The following SPRED2 variants were observed in gnomAD, a reference collection of about 807,000 sequenced individuals.
SPRED2 encodes the protein sprouty related EVH1 domain containing 2.
Under a neutral mutation model 43.0 loss-of-function variants are expected in SPRED2, and 47 were observed. That is an observed-to-expected ratio of 1.09 (90% CI 0.87 to 1.40). The LOEUF (loss-of-function observed/expected upper bound fraction) is 1.40. Among genes scored for constraint, SPRED2 ranks in the 40% most tolerant of loss-of-function variants. The pLI, the probability that SPRED2 is intolerant of heterozygous loss-of-function variation, is 0.00. For missense variants in SPRED2, 561 were observed against 586.4 expected (o/e 0.96, Z 0.45); for synonymous variants, 225 against 225.7 (o/e 1.00, Z 0.03).
chr2:65,310,856 T>C lies in SPRED2; in HGVS notation c.*2645A>G, dbSNP rs1673048661. ...AAATACCCCAAAGCCAGCGATCTGA[T>C]AGGATGTGTTTATATTTACACGGTA... is the stretch of plus-strand genomic sequence containing the variant. On this transcript the variant is annotated 3_prime_UTR_variant, in exon 6 of 6. Transcript: ENST00000356388. The C allele has an allele frequency of 4.1e-6, 4 of 985,058 alleles. No individual in the cohort carries two copies. The highest frequency in any genetic ancestry group is 3.6e-6 in the Non-Finnish European group (3 of 829,262). The allele number at this position is 985,058 out of a possible 1,614,324, so 61.0% of individuals were successfully genotyped here. A position where few individuals can be genotyped will look rare whatever the true frequency, so the allele number is the denominator to read the frequency against.
At chr2:65,334,482 A>C in intron 3 of SPRED2, 123 bp downstream of exon 3, 1 of 1,198,650 alleles carries the variant, frequency 8.3e-7, no homozygotes, top group Non-Finnish European at 1.2e-6. Context: ...TTTGGCATCT[A>C]CTGACCTGGT....
intron 1 of SPRED2, among the ~76,000 whole-genome samples, chr2:65,363,328 A>G (rs1674880466): frequency 6.6e-6 from 1 of 151,990 alleles, no homozygotes; most frequent in Non-Finnish European, 1.5e-5. Flanking sequence ...ATCCAGGTGC[A>G]GTTGACGCAA....
intron 1 of SPRED2, among the ~76,000 whole-genome samples, chr2:65,379,441 G>A (rs1369082730): frequency 6.6e-6 from 1 of 152,262 alleles, no homozygotes; most frequent in Non-Finnish European, 1.5e-5. Context: ...CAAAGAGACT[G>A]GGGCCATTTT....
At chr2:65,366,645 A>G in intron 1 of SPRED2, 1 of 1,550,634 alleles carries the variant, frequency 6.4e-7, no homozygotes, top group Non-Finnish European at 8.7e-7. Context: ...GGGTATTAGC[A>G]TTATTGCTAC....
At chr2:65,377,290 A>G (rs1055262946) in intron 1 of SPRED2, among the ~76,000 whole-genome samples, 1 of 152,262 alleles carries the variant, frequency 6.6e-6, no homozygotes, top group Admixed American at 6.5e-5. Context: ...ATCTGAAATC[A>G]AGACAAAGCC....
intron 1 of SPRED2, among the ~76,000 whole-genome samples, chr2:65,402,726 C>T (rs1039214667): frequency 1.6e-4 from 24 of 152,192 alleles, no homozygotes; most frequent in African/African-American, 5.3e-4. Flanking sequence ...TAAACTCACA[C>T]CTATGTAATT....
intron 1 of SPRED2, among the ~76,000 whole-genome samples, chr2:65,424,019 C>T (rs561050616): frequency 6.6e-6 from 1 of 152,236 alleles, no homozygotes; most frequent in South Asian, 2.1e-4. Flanking sequence ...GAACTCCTGA[C>T]CTCAGGTGGT....
intron 1 of SPRED2, among the ~76,000 whole-genome samples, chr2:65,371,090 T>A (rs1226556438): frequency 6.6e-6 from 1 of 152,110 alleles, no homozygotes; most frequent in Admixed American, 6.5e-5. Flanking sequence ...TCGCTGCCCG[T>A]AAGAGCTCAG....
At chr2:65,346,919 T>C (rs993343154) in intron 1 of SPRED2, among the ~76,000 whole-genome samples, 1 of 152,216 alleles carries the variant, frequency 6.6e-6, no homozygotes, top group African/African-American at 2.4e-5. Context: ...AATTTCATTA[T>C]TGACATGGAG....
At chr2:65,371,301 C>A (rs1310671020) in intron 1 of SPRED2, among the ~76,000 whole-genome samples, 1 of 152,086 alleles carries the variant, frequency 6.6e-6, no homozygotes, top group Non-Finnish European at 1.5e-5. Context: ...GAAATTTGCA[C>A]AAAAGAAACC....
At chr2:65,342,193 CGT>C in intron 2 of SPRED2, among the ~76,000 whole-genome samples, 1 of 146,270 alleles carries the variant, frequency 6.8e-6, no homozygotes, top group African/African-American at 2.5e-5. Context: ...ATTTTATATA[CGT>C]ATATTATGTA....
intron 1 of SPRED2, among the ~76,000 whole-genome samples, chr2:65,355,247 T>C (rs1674615549): frequency 6.6e-6 from 1 of 152,172 alleles, no homozygotes; most frequent in Admixed American, 6.5e-5. Context: ...CAGTCACGTA[T>C]CTGTGCAGCA....
At chr2:65,308,090 TG>T (rs1446399608), downstream of SPRED2, among the ~76,000 whole-genome samples, 2 of 152,302 alleles carry the variant, frequency 1.3e-5, no homozygotes, top group African/African-American at 4.8e-5. Flanking sequence ...CCTGATTTTC[TG>T]GGGGGTGTCC....
intron 4 of SPRED2, among the ~76,000 whole-genome samples, chr2:65,326,265 G>C (rs1421108926): frequency 2.6e-5 from 4 of 152,046 alleles, no homozygotes; most frequent in East Asian, 1.9e-4. Context: ...CTCAGCCTGA[G>C]AGTGTCTCAG....
chr2:65,343,815 C>A (rs1440642057), intron 2 of SPRED2, among the ~76,000 whole-genome samples: 2 of 152,140 alleles, frequency 1.3e-5, no homozygotes, highest in Non-Finnish European at 2.9e-5. Flanking sequence ...GTGATGATTA[C>A]TTTCCAAAGT....
intron 1 of SPRED2, among the ~76,000 whole-genome samples, chr2:65,382,813 T>TTAG (rs1675403279): frequency 6.6e-6 from 1 of 152,232 alleles, no homozygotes; most frequent in African/African-American, 2.4e-5. Flanking sequence ...AAGCCTCATT[T>TTAG]CCAGGTTCAA....
chr2:65,354,616 A>G (rs1289540120), intron 1 of SPRED2, among the ~76,000 whole-genome samples: 2 of 151,750 alleles, frequency 1.3e-5, no homozygotes, highest in Admixed American at 6.6e-5. Flanking sequence ...TCTATCAAAA[A>G]TGTCTTAAGG....
In SPRED2 at chr2:65,431,972, G is replaced by A; in HGVS notation, c.16C>T (p.His6Tyr). The change falls in exon 1 of 6, where the codon CAC becomes TAC. Residue 6 changes from histidine to tyrosine, a missense_variant. By Grantham distance (83) the His-to-Tyr change is moderately conservative. Coordinates refer to ENST00000356388, the MANE Select transcript of SPRED2 (RefSeq NM_181784.3). ...CGCGACCAAACTTACTCGTCTGGGT[G>A]TGTTTCTTCGGTCATTTTCTTGTTC... MTEET[H>Y]PDDDSYIVRV... 1 of 1,614,018 alleles carries A rather than the reference G, an allele frequency of 6.2e-7. No homozygotes were observed. The highest frequency in any genetic ancestry group is 8.5e-7 in the Non-Finnish European group (1 of 1,179,984).
At chr2:65,399,754 T>G (rs557899747) in intron 1 of SPRED2, among the ~76,000 whole-genome samples, 2 of 152,298 alleles carry the variant, frequency 1.3e-5, no homozygotes, top group South Asian at 4.1e-4. Context: ...CTCACTCATA[T>G]GTGGGAGCTA....
Sources: allele counts gnomAD v4.1 joint callset (sites outside exome capture counted in the v4.1 genomes callset), GRCh38; gene constraint gnomAD v4.1.1; transcripts MANE v1.5; gene names NCBI Gene and HGNC (gene_info 2026-07-23, HGNC 2026-07-21).